Variants in COLGALT2 observed in about 807,000 individuals in gnomAD.
COLGALT2 encodes the protein procollagen galactosyltransferase 2.
A neutral mutation model predicts 73.4 loss-of-function variants in COLGALT2; 49 were observed. That is an observed-to-expected ratio of 0.67 (90% CI 0.53 to 0.85). COLGALT2 has a LOEUF of 0.85. Among genes scored for constraint, COLGALT2 ranks in the 40% least tolerant of loss-of-function variants. COLGALT2 has a pLI of 0.00. For missense variants in COLGALT2, 722 were observed against 790.2 expected, an observed-to-expected ratio of 0.91 and a Z score of 1.03; for synonymous variants, 295 against 307.6, an observed-to-expected ratio of 0.96 and a Z score of 0.43.
chr1:183,937,596 C>A lies in COLGALT2; in HGVS notation c.*1165G>T. 1.0e-6 allele frequency: 1 copy of A among 985,258 alleles called. No individual in the cohort carries two copies. Among genetic ancestry groups the A allele is most frequent in the Non-Finnish European group, 1.2e-6 (1 of 829,904 alleles). The allele number at this position is 985,258 out of a possible 1,614,324, so 61.0% of individuals were successfully genotyped here. On this transcript the variant is annotated 3_prime_UTR_variant, in exon 12 of 12. Transcript: ENST00000361927. ...TCATTTGTTTCCAAATAGTTCAAAT[C>A]CCCCCATCCACAGGCCTCCCCACAA...
In COLGALT2 at chr1:183,938,622, A is replaced by G. The variant is rs960616537; in HGVS notation, c.*139T>C. ...GTCAAAAATATGTTAATTTCGATCT[A>G]TCACACTAGATCACTTTGGTTAGAT... On this transcript the variant is annotated 3_prime_UTR_variant, in exon 12 of 12. Transcript: ENST00000361927. 16 of 1,445,504 alleles carry G rather than the reference A, an allele frequency of 1.1e-5. No individual in the cohort carries two copies. Among genetic ancestry groups the G allele is most frequent in the Non-Finnish European group, 1.5e-5 (16 of 1,096,876 alleles). The allele number at this position is 1,445,504 out of a possible 1,614,324, so 89.5% of individuals were successfully genotyped here. A position where few individuals can be genotyped will look rare whatever the true frequency, so the allele number is the denominator to read the frequency against.
chr1:183,935,777 A>C (rs1202533222), downstream of COLGALT2: 4 of 836,110 alleles, frequency 4.8e-6, no homozygotes, highest in Non-Finnish European at 5.8e-6. Flanking sequence ...CAGACCTGGT[A>C]ATCTCTGCAG....
intron 1 of COLGALT2, among the ~76,000 whole-genome samples, chr1:183,980,532 T>G (rs1158901377): frequency 6.6e-6 from 1 of 152,036 alleles, no homozygotes; most frequent in Non-Finnish European, 1.5e-5. Context: ...TGAAGTGATA[T>G]AAAGCTTAAA....
In COLGALT2 at chr1:183,954,833, G is replaced by C. The variant is rs181809768; in HGVS notation, c.958C>G (p.Arg320Gly). The C allele has an allele frequency of 6.2e-7, 1 of 1,612,122 alleles. No homozygotes were observed. Among genetic ancestry groups the C allele is most frequent in the East Asian group, 2.2e-5 (1 of 44,862 alleles). ...IHVQIEAMID[R>G]PPMEPSQYVS... ...TACTGGGAGGGTTCCATTGGAGGAC[G>C]GTCAACTGGAAGACACAAGAAACAT... The change falls in exon 7 of 12, where the codon CGT becomes GGT. Residue 320 changes from arginine to glycine, a missense_variant. Transcript: ENST00000361927.
intron 6 of COLGALT2, among the ~76,000 whole-genome samples, chr1:183,961,672 C>T (rs3949865): frequency 6.6e-6 from 1 of 151,956 alleles, no homozygotes; most frequent in Non-Finnish European, 1.5e-5. Context: ...CCATTATTCT[C>T]GCTTTGGGTT....
chr1:183,975,503 C>T (rs572246788), intron 2 of COLGALT2, among the ~76,000 whole-genome samples: 3 of 152,118 alleles, frequency 2.0e-5, no homozygotes, highest in Non-Finnish European at 4.4e-5. Context: ...GTGAGGATAT[C>T]AGGGTAGAGC....
At chr1:183,966,255 C>A (rs1488151271) in intron 5 of COLGALT2, among the ~76,000 whole-genome samples, 1 of 152,206 alleles carries the variant, frequency 6.6e-6, no homozygotes, top group Non-Finnish European at 1.5e-5. Context: ...AGAGTCTGCA[C>A]TCCCAGTGAA....
chr1:184,030,075 C>T lies in COLGALT2; in HGVS notation c.263+7020G>A, dbSNP rs79310554. 5.4e-3 allele frequency among the ~76,000 whole-genome samples: 824 copies of T among 152,058 alleles called. 5 individuals carry two copies. The highest frequency in any genetic ancestry group is 0.019 in the African/African-American group (779 of 41,482). On this transcript the variant is annotated intron_variant, in intron 1 of 11. Transcript: ENST00000361927. ...GGGAGATTTACTTTTTGTGATATTCCCAATCATACTTTTTTTATTACTTTC... is the reference window on the plus strand; with the variant it reads ...GGGAGATTTACTTTTTGTGATATTCTCAATCATACTTTTTTTATTACTTTC...
chr1:183,971,805 T>G (rs2102814479), intron 4 of COLGALT2, among the ~76,000 whole-genome samples: 1 of 152,350 alleles, frequency 6.6e-6, no homozygotes, highest in Non-Finnish European at 1.5e-5. Context: ...AAAATCACGT[T>G]AATCCCCACC....
In COLGALT2 at chr1:184,009,465, A is replaced by T. The variant is rs569938493; in HGVS notation, c.263+27630T>A. Reference sequence around the variant, plus strand: ...TGGTCAATTATGCCAGAAAGCTCCTAAATCTAGATTGTAAATGGCAGCTCT... The same window carrying T: ...TGGTCAATTATGCCAGAAAGCTCCTTAATCTAGATTGTAAATGGCAGCTCT... On this transcript the variant is annotated intron_variant, in intron 1 of 11. Coordinates refer to ENST00000361927, the MANE Select transcript of COLGALT2 (RefSeq NM_015101.4). Among the ~76,000 whole-genome samples, 17 of 152,306 alleles carry T rather than the reference A, an allele frequency of 1.1e-4. No individual in the cohort carries two copies. The East Asian group carries it at 3.3e-3, about 29-fold the overall frequency.
intron 7 of COLGALT2, among the ~76,000 whole-genome samples, chr1:183,953,199 G>A (rs893335093): frequency 1.3e-5 from 2 of 152,176 alleles, no homozygotes; most frequent in African/African-American, 4.8e-5. Flanking sequence ...GAGCATCAGA[G>A]CCAAATGCAG....
chr1:183,967,084 C>T (rs781697195), intron 5 of COLGALT2, among the ~76,000 whole-genome samples: 28 of 152,208 alleles, frequency 1.8e-4, no homozygotes, highest in Non-Finnish European at 3.7e-4. Context: ...GAGACATGCC[C>T]TGGGCTGCAC....
intron 11 of COLGALT2, among the ~76,000 whole-genome samples, chr1:183,930,574 T>TC (rs1042159383): frequency 1.5e-4 from 20 of 136,558 alleles, no homozygotes; most frequent in East Asian, 4.0e-4. Flanking sequence ...TTTTTCTTTT[T>TC]TTTTTTTTTT....
chr1:184,023,203 C>CA (rs1345067166), intron 1 of COLGALT2, among the ~76,000 whole-genome samples: 1 of 152,162 alleles, frequency 6.6e-6, no homozygotes, highest in Admixed American at 6.5e-5. Context: ...CATATAAACT[C>CA]AAACTCAGGA....
rs752632352 is a variant in COLGALT2 at position 183,945,573 on chromosome 1, C to A, written c.1137-9G>T. On this transcript the variant is annotated splice_polypyrimidine_tract_variant and intron_variant, in intron 8 of 11. Transcript: ENST00000361927. ...GGCTTGTGTTGAGTGCCCTGCATCA[C>A]ATAAAACACGTCTGGAGATTAACAA... The A allele has an allele frequency of 1.4e-5, 23 of 1,613,620 alleles. No homozygotes were observed. The highest frequency in any genetic ancestry group is 1.3e-4 in the Admixed American group (8 of 59,898).
chr1:184,021,067 T>C (rs1020733495), intron 1 of COLGALT2, among the ~76,000 whole-genome samples: 1 of 152,096 alleles, frequency 6.6e-6, no homozygotes, highest in Non-Finnish European at 1.5e-5. Flanking sequence ...TCAAGTCACA[T>C]GATTCAGCAT....
chr1:183,978,105 C>T (rs141434898), intron 2 of COLGALT2, among the ~76,000 whole-genome samples: 1,775 of 152,018 alleles, frequency 0.012, 32 homozygotes, highest in African/African-American at 0.04. Context: ...ATATGATCCT[C>T]CAAATATAAA....
At chr1:184,026,922 T>G (rs556285277) in intron 1 of COLGALT2, among the ~76,000 whole-genome samples, 3 of 152,304 alleles carry the variant, frequency 2.0e-5, no homozygotes, top group Admixed American at 6.5e-5. Flanking sequence ...AAAGGCTTAA[T>G]GAACTCATTG....
intron 1 of COLGALT2, among the ~76,000 whole-genome samples, chr1:184,003,835 A>G (rs1336800352): frequency 1.3e-5 from 2 of 152,188 alleles, no homozygotes; most frequent in Non-Finnish European, 2.9e-5. Flanking sequence ...TGCCAGAGAC[A>G]AGCAGGTCTG....
Sources: gnomAD v4.1 joint callset for allele counts (sites outside exome capture counted in the v4.1 genomes callset) on GRCh38, gnomAD v4.1.1 for gene constraint, MANE v1.5 for transcripts, NCBI Gene and HGNC (gene_info 2026-07-23, HGNC 2026-07-21) for gene names.